Variants in HSD17B4 observed in about 807,000 individuals in gnomAD.
HSD17B4 encodes peroxisomal multifunctional enzyme type 2.
Under a neutral mutation model 101.0 loss-of-function variants are expected in HSD17B4, and 70 were observed. The observed-to-expected ratio is 0.69, with a 90% CI of 0.57 to 0.85. The LOEUF (loss-of-function observed/expected upper bound fraction) is 0.85, where lower values mean the gene tolerates loss of function less well. Ranked by LOEUF, HSD17B4 falls within the 40% of genes least tolerant of loss-of-function variation. HSD17B4 has a pLI of 0.00. For missense variants in HSD17B4, 984 were observed against 892.4 expected (o/e 1.10, Z -1.31); for synonymous variants, 347 against 297.1 (o/e 1.17, Z -1.73).
At chr5:119,457,485 T>C (rs764487083) in intron 2 of HSD17B4, among the ~76,000 whole-genome samples, 1 of 152,224 alleles carries the variant, frequency 6.6e-6, no homozygotes, top group Non-Finnish European at 1.5e-5. Context: ...GCTTTGGATG[T>C]TCCTTGTTTA....
chr5:119,541,227 ACT>A (rs1186502110), intron 23 of HSD17B4, among the ~76,000 whole-genome samples: 1 of 152,008 alleles, frequency 6.6e-6, no homozygotes, highest in Non-Finnish European at 1.5e-5. Flanking sequence ...ATGAATTAAT[ACT>A]CTCTTATCAC....
chr5:119,481,335 G>C (rs1004954701), intron 8 of HSD17B4, among the ~76,000 whole-genome samples: 9 of 152,020 alleles, frequency 5.9e-5, no homozygotes, highest in African/African-American at 1.2e-4. Context: ...CTCTGTTTGG[G>C]GTCCCTGACT....
chr5:119,499,520 A>T lies in HSD17B4; in HGVS notation c.1176A>T (p.Ala392=). The T allele has an allele frequency of 6.2e-7, 1 of 1,613,438 alleles. No homozygotes were observed. The highest frequency in any genetic ancestry group is 8.5e-7 in the Non-Finnish European group (1 of 1,179,404). ...GQKSMMGGGL[A]EIPGLSINFA... ...AATCTATGATGGGTGGAGGATTAGC[A>T]GAAATTCCTGGACTTTCAATCAACT... is the stretch of plus-strand genomic sequence containing the variant. The change falls in exon 13 of 24, where the codon GCA becomes GCT. Residue 392 remains alanine, a synonymous_variant. Transcript: ENST00000510025.
At chr5:119,533,538 G>T (rs570672854) in intron 22 of HSD17B4, among the ~76,000 whole-genome samples, 5 of 152,202 alleles carry the variant, frequency 3.3e-5, no homozygotes, top group Non-Finnish European at 7.4e-5. Flanking sequence ...TAATACTGTG[G>T]TTTTGAGCTT....
chr5:119,494,271 A>G (rs1180968747), intron 11 of HSD17B4, among the ~76,000 whole-genome samples: 1 of 151,702 alleles, frequency 6.6e-6, no homozygotes, highest in East Asian at 1.9e-4. Context: ...TCCATTACCT[A>G]CCTATATGCT....
At chr5:119,533,984 AATAT>A (rs55977307) in intron 22 of HSD17B4, among the ~76,000 whole-genome samples, 15,524 of 152,124 alleles carry the variant, frequency 0.1, 950 homozygotes, top group South Asian at 0.16. Flanking sequence ...TTCAAATAGA[AATAT>A]ATTGTTTGTA....
Position 119,527,064 on chromosome 5 carries a change from A to G in HSD17B4, c.1681-69A>G, listed in dbSNP as rs1414789117. The G allele has an allele frequency of 6.5e-6, 6 of 924,366 alleles. No individual in the cohort carries two copies. In the African/African-American group the frequency reaches 8.2e-5, roughly 13 times the overall value. The allele number at this position is 924,366 out of a possible 1,614,324, so 57.3% of individuals were successfully genotyped here. ...TTTGTGCTCTCTAGTTTCCTTTCCA[A>G]TTTTTTCCTCCTACAAGTAAAAGAG... On this transcript the variant is annotated intron_variant, in intron 19 of 23. Transcript: ENST00000510025.
Position 119,498,759 on chromosome 5 carries a change from A to G in HSD17B4, c.973-558A>G, listed in dbSNP as rs915313441. On this transcript the variant is annotated intron_variant, in intron 12 of 23. Transcript: ENST00000510025. ...GCCAGGCATGGTGGCACGGGCCTGTAGTCCCAGCTACTCGGGAAGCTGAGG... is the reference window on the plus strand; with the variant it reads ...GCCAGGCATGGTGGCACGGGCCTGTGGTCCCAGCTACTCGGGAAGCTGAGG... Among the ~76,000 whole-genome samples the G allele has an allele frequency of 9.2e-5, 14 of 152,302 alleles. No homozygotes were observed. In the East Asian group the frequency reaches 2.3e-3, roughly 25 times the overall value.
intron 17 of HSD17B4, among the ~76,000 whole-genome samples, chr5:119,516,362 TA>T (rs1752611584): frequency 6.6e-6 from 1 of 152,062 alleles, no homozygotes; most frequent in African/African-American, 2.4e-5. Flanking sequence ...TATACTGAAA[TA>T]AAAAATATAT....
Position 119,480,756 on chromosome 5 carries a change from A to T in HSD17B4, c.622+1735A>T, listed in dbSNP as rs959426835. Among the ~76,000 whole-genome samples the T allele has an allele frequency of 2.0e-5, 3 of 152,014 alleles. No individual in the cohort carries two copies. In the East Asian group the frequency reaches 5.8e-4, roughly 29 times the overall value. ...GGAGCGCTATGGGAGACTGGAGTTT[A>T]TTTCACCCCTGCAGTCTCAACCGTA... On this transcript the variant is annotated intron_variant, in intron 8 of 23. Transcript: ENST00000510025.
In HSD17B4 at chr5:119,525,983, A is replaced by T; in HGVS notation, c.1640A>T (p.Gln547Leu). 6.2e-7 allele frequency: 1 copy of T among 1,610,512 alleles called. No homozygotes were observed. Among genetic ancestry groups the T allele is most frequent in the Non-Finnish European group, 8.5e-7 (1 of 1,176,952 alleles). ...FGFSARRVLQ[Q>L]FADNDVSRFK... ...TTTTCTGCCAGGCGTGTGTTACAGC[A>T]GTTTGCAGATAATGATGTGTCAAGA... Residue 547 changes from glutamine to leucine, a missense_variant, in exon 19 of 24, where the codon CAG becomes CTG. By Grantham distance (113) the Gln-to-Leu change is moderately radical. Coordinates refer to ENST00000510025, the MANE Select transcript of HSD17B4 (RefSeq NM_000414.4).
rs1748302526 is a variant in HSD17B4, at chr5:119,473,910, A to C, written c.115A>C (p.Asn39His). Residue 39 changes from asparagine to histidine, a missense_variant and splice_region_variant, in exon 3 of 24, where the codon AAT (asparagine) becomes CAT (histidine). By Grantham distance (68) the Asn-to-His change is moderately conservative. Transcript: ENST00000510025. ...GTTTGCTTGTTTTTGCATTACAGTG[A>C]ATGATTTGGGAGGGGACTTCAAAGG... ...FAERGALVVV[N>H]DLGGDFKGVG... 1 of 1,562,374 alleles carries C rather than the reference A, an allele frequency of 6.4e-7. No individual in the cohort carries two copies. The highest frequency in any genetic ancestry group is 1.1e-5 in the South Asian group (1 of 90,002).
chr5:119,490,709 C>G (rs944401711), intron 9 of HSD17B4, among the ~76,000 whole-genome samples: 1 of 152,100 alleles, frequency 6.6e-6, no homozygotes, highest in African/African-American at 2.4e-5. Flanking sequence ...TCTGGGATTA[C>G]AGGCACCCAC....
At chr5:119,521,809 C>G (rs1753135720) in intron 17 of HSD17B4, among the ~76,000 whole-genome samples, 1 of 151,364 alleles carries the variant, frequency 6.6e-6, no homozygotes. Context: ...TTTTACATCC[C>G]CAAATGCTTG....
chr5:119,498,249 T>C (rs1195625447), intron 12 of HSD17B4, among the ~76,000 whole-genome samples: 1 of 152,180 alleles, frequency 6.6e-6, no homozygotes, highest in Non-Finnish European at 1.5e-5. Flanking sequence ...AGTATAGAAA[T>C]GTGATTTTTC....
At chr5:119,536,149 C>G (rs1754514023) in intron 22 of HSD17B4, 2 of 403,328 alleles carry the variant, frequency 5.0e-6, no homozygotes, top group Admixed American at 3.8e-5. Context: ...TGTCTATAAA[C>G]TCAAGGTGAT....
At chr5:119,474,108 A>G (rs918336940) in intron 3 of HSD17B4, 93 bp downstream of exon 3, 14 of 793,470 alleles carry the variant, frequency 1.8e-5, no homozygotes, top group Non-Finnish European at 2.6e-5. Context: ...TCAGTATTCC[A>G]GTATAATTAT....
intron 19 of HSD17B4, among the ~76,000 whole-genome samples, chr5:119,526,683 T>C (rs1014254603): frequency 1.4e-4 from 22 of 151,998 alleles, no homozygotes; most frequent in Non-Finnish European, 3.2e-4. Flanking sequence ...GTTACAACTA[T>C]TTTTTATTAT....
intron 20 of HSD17B4, among the ~76,000 whole-genome samples, chr5:119,528,019 A>G (rs1189092692): frequency 3.3e-5 from 5 of 152,190 alleles, no homozygotes; most frequent in Non-Finnish European, 5.9e-5. Flanking sequence ...TGGCTTGATC[A>G]TTTCATGCTA....
Sources: allele counts gnomAD v4.1 joint callset (sites outside exome capture counted in the v4.1 genomes callset), GRCh38; gene constraint gnomAD v4.1.1; transcripts MANE v1.5; gene names NCBI Gene and HGNC (gene_info 2026-07-23, HGNC 2026-07-21).